Variants in SOX6 observed in about 807,000 individuals in gnomAD.
SOX6 encodes the protein SRY-box transcription factor 6, also known as transcription factor SOX-6.
SOX6 carries 11 observed loss-of-function variants against 97.8 expected under a neutral mutation model. The observed-to-expected ratio is 0.11, with a 90% confidence interval of 0.07 to 0.19. The LOEUF (loss-of-function observed/expected upper bound fraction) is 0.19, where lower values mean the gene tolerates loss of function less well. Ranked by LOEUF, SOX6 falls within the 10% of genes least tolerant of loss-of-function variation. SOX6 has a pLI of 1.00. For missense variants in SOX6, 810 were observed against 1,039.5 expected, an observed-to-expected ratio of 0.78 and a Z score of 3.04; for synonymous variants, 360 against 371.4, an observed-to-expected ratio of 0.97 and a Z score of 0.35.
chr11:16,368,319 A>C (rs550808230), intron 1 of SOX6, among the ~76,000 whole-genome samples: 2 of 152,186 alleles, frequency 1.3e-5, no homozygotes, highest in East Asian at 3.9e-4. Flanking sequence ...CCATCTCTAC[A>C]AAAAATTCAA....
At chr11:16,470,144 A>G (rs1231018336) in intron 1 of SOX6, among the ~76,000 whole-genome samples, 1 of 152,102 alleles carries the variant, frequency 6.6e-6, no homozygotes, top group Non-Finnish European at 1.5e-5. Context: ...AGAAGGCACA[A>G]TTTTAAATTC....
intron 6 of SOX6, among the ~76,000 whole-genome samples, chr11:16,180,945 G>GA (rs1851331030): frequency 6.6e-6 from 1 of 151,642 alleles, no homozygotes; most frequent in Non-Finnish European, 1.5e-5. Flanking sequence ...TATTTCTAAT[G>GA]AAAAATCCTG....
intron 4 of SOX6, among the ~76,000 whole-genome samples, chr11:16,231,943 T>C (rs1055478212): frequency 3.3e-5 from 5 of 151,800 alleles, no homozygotes; most frequent in African/African-American, 1.2e-4. Flanking sequence ...TAATTTAAAA[T>C]GGAAAGAATA....
intron 2 of SOX6, among the ~76,000 whole-genome samples, chr11:16,730,771 C>G (rs1342432528): frequency 2.6e-5 from 4 of 152,002 alleles, no homozygotes; most frequent in Non-Finnish European, 2.9e-5. Flanking sequence ...GAGACAGAGA[C>G]ATGAAAAACC....
chr11:16,278,755 C>T (rs886527499), intron 3 of SOX6, among the ~76,000 whole-genome samples: 1 of 151,946 alleles, frequency 6.6e-6, no homozygotes, highest in African/African-American at 2.4e-5. Flanking sequence ...ACAGTAAGGA[C>T]TCAAATCCTA....
chr11:16,529,632 T>C (rs771117924), intron 4 of SOX6, among the ~76,000 whole-genome samples: 30 of 152,124 alleles, frequency 2.0e-4, no homozygotes, highest in Non-Finnish European at 3.5e-4. Context: ...TTACCTATCA[T>C]GGCTTTGGAT....
chr11:16,658,428 G>C (rs1320298199), intron 3 of SOX6, among the ~76,000 whole-genome samples: 3 of 152,014 alleles, frequency 2.0e-5, no homozygotes, highest in African/African-American at 7.3e-5. Context: ...TGTTCTCCTG[G>C]CCAGGTGCGG....
intron 4 of SOX6, among the ~76,000 whole-genome samples, chr11:16,560,555 ATACG>A (rs1219727998): frequency 9.2e-6 from 1 of 108,564 alleles, no homozygotes; most frequent in African/African-American, 3.2e-5. Flanking sequence ...ACATATGTTT[ATACG>A]TACATATATG....
chr11:16,251,059 A>G (rs1294510190), intron 3 of SOX6, among the ~76,000 whole-genome samples: 1 of 152,164 alleles, frequency 6.6e-6, no homozygotes, highest in Non-Finnish European at 1.5e-5. Flanking sequence ...TATGGGGCAA[A>G]AATAAACACA....
intron 1 of SOX6, among the ~76,000 whole-genome samples, chr11:16,376,475 T>C (rs1313265492): frequency 1.3e-5 from 2 of 152,168 alleles, no homozygotes; most frequent in African/African-American, 4.8e-5. Context: ...GCATGTTTGA[T>C]AGAGTTAGCT....
intron 6 of SOX6, among the ~76,000 whole-genome samples, chr11:16,163,176 T>C (rs1311630236): frequency 6.6e-6 from 1 of 152,184 alleles, no homozygotes; most frequent in East Asian, 1.9e-4. Context: ...CATTACATGT[T>C]GTAAGACAAG....
chr11:16,501,078 A>G (rs572181119), intron 4 of SOX6, among the ~76,000 whole-genome samples: 5 of 152,362 alleles, frequency 3.3e-5, no homozygotes, highest in African/African-American at 1.2e-4. Flanking sequence ...GGCTACAGTA[A>G]CCAAAACAGC....
At chr11:16,555,640 T>C (rs1847740984) in intron 4 of SOX6, among the ~76,000 whole-genome samples, 1 of 151,634 alleles carries the variant, frequency 6.6e-6, no homozygotes, top group African/African-American at 2.4e-5. Context: ...TGCTATACTA[T>C]TGAATACAAA....
At chr11:16,285,117 T>G (rs1347146013) in intron 3 of SOX6, among the ~76,000 whole-genome samples, 1 of 152,172 alleles carries the variant, frequency 6.6e-6, no homozygotes, top group Non-Finnish European at 1.5e-5. Context: ...AACCTGCCAG[T>G]TTTCTTTCAT....
intron 12 of SOX6, among the ~76,000 whole-genome samples, chr11:16,045,373 T>C (rs1182130311): frequency 6.6e-6 from 1 of 152,070 alleles, no homozygotes; most frequent in Non-Finnish European, 1.5e-5. Flanking sequence ...AATCAGAATT[T>C]TTCACAGTCT....
At chr11:16,717,078 A>G (rs1848224734) in intron 2 of SOX6, among the ~76,000 whole-genome samples, 1 of 152,146 alleles carries the variant, frequency 6.6e-6, no homozygotes, top group African/African-American at 2.4e-5. Flanking sequence ...CAAAAAATAA[A>G]ATCTGTGGTC....
At chr11:16,499,095 T>C (rs186087583) in intron 4 of SOX6, among the ~76,000 whole-genome samples, 23 of 152,192 alleles carry the variant, frequency 1.5e-4, no homozygotes, top group Non-Finnish European at 2.9e-4. Flanking sequence ...GAACAGAAAT[T>C]ATAACAAACT....
chr11:16,537,503 A>G (rs896026984), intron 4 of SOX6, among the ~76,000 whole-genome samples: 1 of 152,176 alleles, frequency 6.6e-6, no homozygotes, highest in Non-Finnish European at 1.5e-5. Flanking sequence ...TAGGCTTCAG[A>G]AGGTCGGTAA....
chr11:16,394,357 C>T (rs1858279872), intron 1 of SOX6, among the ~76,000 whole-genome samples: 2 of 151,804 alleles, frequency 1.3e-5, no homozygotes, highest in Admixed American at 6.6e-5. Flanking sequence ...TCAAGTGAGA[C>T]GTTCTATAAA....
Sources: allele counts gnomAD v4.1 joint callset (sites outside exome capture counted in the v4.1 genomes callset), GRCh38; gene constraint gnomAD v4.1.1; transcripts MANE v1.5; gene names NCBI Gene and HGNC (gene_info 2026-07-23, HGNC 2026-07-21).